Variants in FHIT observed in about 807,000 individuals in gnomAD.
FHIT encodes fragile histidine triad diadenosine triphosphatase, also known as bis(5'-adenosyl)-triphosphatase.
Under a neutral mutation model 17.9 loss-of-function variants are expected in FHIT, and 19 were observed. That is an observed-to-expected ratio of 1.06 (90% confidence interval 0.74 to 1.56). FHIT has a LOEUF of 1.56. FHIT is among the 40% of genes most tolerant of loss of function. FHIT has a pLI of 0.00. For synonymous variants in FHIT, 81 were observed against 69.7 expected (o/e 1.16, Z -0.81); for missense variants, 248 against 189.2 (o/e 1.31, Z -1.82).
At chr3:60,880,817 T>A (rs1233347527) in intron 3 of FHIT, among the ~76,000 whole-genome samples, 15 of 151,906 alleles carry the variant, frequency 9.9e-5, no homozygotes. Context: ...GCAAAACTTA[T>A]CACTACAGAA....
chr3:60,973,994 T>A (rs189355335), intron 3 of FHIT, among the ~76,000 whole-genome samples: 2 of 152,176 alleles, frequency 1.3e-5, no homozygotes, highest in Non-Finnish European at 2.9e-5. Context: ...GTGATGAAAA[T>A]CATTTAATAA....
intron 8 of FHIT, among the ~76,000 whole-genome samples, chr3:59,881,655 C>T (rs943119256): frequency 6.6e-6 from 1 of 152,180 alleles, no homozygotes; most frequent in African/African-American, 2.4e-5. Flanking sequence ...AAATCACCCT[C>T]ACTTCCTTTG....
At chr3:60,994,287 G>C (rs1194945992) in intron 3 of FHIT, among the ~76,000 whole-genome samples, 1 of 152,268 alleles carries the variant, frequency 6.6e-6, no homozygotes, top group African/African-American at 2.4e-5. Context: ...GTGGAAATGG[G>C]TAATTACAAG....
intron 2 of FHIT, among the ~76,000 whole-genome samples, chr3:61,077,432 C>T (rs573793763): frequency 1.3e-5 from 2 of 152,056 alleles, no homozygotes; most frequent in Admixed American, 6.6e-5. Context: ...TTTGGCACCA[C>T]TTTGCACAAA....
chr3:60,490,870 G>A (rs1306939286), intron 5 of FHIT, among the ~76,000 whole-genome samples: 1 of 152,144 alleles, frequency 6.6e-6, no homozygotes, highest in Non-Finnish European at 1.5e-5. Context: ...GTATAAAGAT[G>A]TTAAGTAACT....
intron 3 of FHIT, among the ~76,000 whole-genome samples, chr3:60,917,739 C>T (rs1707080404): frequency 6.6e-6 from 1 of 152,214 alleles, no homozygotes; most frequent in African/African-American, 2.4e-5. Flanking sequence ...ACCCAAAACT[C>T]TTTATCAAAT....
intron 2 of FHIT, among the ~76,000 whole-genome samples, chr3:61,121,933 A>C (rs2036469134): frequency 2.0e-5 from 3 of 152,208 alleles, no homozygotes; most frequent in Non-Finnish European, 2.9e-5. Flanking sequence ...TTGCAATCCT[A>C]GTCTCTGATA....
chr3:61,078,805 G>C (rs2035045011), intron 2 of FHIT, among the ~76,000 whole-genome samples: 2 of 152,198 alleles, frequency 1.3e-5, no homozygotes, highest in Admixed American at 1.3e-4. Context: ...CTCACATTCA[G>C]ATACTTTATT....
chr3:60,772,796 C>T (rs1377842439), intron 4 of FHIT, among the ~76,000 whole-genome samples: 3 of 152,146 alleles, frequency 2.0e-5, no homozygotes, highest in Non-Finnish European at 4.4e-5. Flanking sequence ...TTTTGAGATA[C>T]TGTTTCAGGT....
intron 3 of FHIT, among the ~76,000 whole-genome samples, chr3:60,951,920 C>A (rs183074642): frequency 3.5e-4 from 53 of 152,262 alleles, no homozygotes; most frequent in African/African-American, 1.3e-3. Context: ...AGTCCCAGCA[C>A]TTTGGGAGGC....
intron 4 of FHIT, among the ~76,000 whole-genome samples, chr3:60,689,815 A>G (rs1044842601): frequency 2.3e-4 from 35 of 152,318 alleles, no homozygotes; most frequent in African/African-American, 7.9e-4. Context: ...TTAGTGTTAA[A>G]TATTAAGGTA....
chr3:60,042,757 C>T (rs1282926871), intron 5 of FHIT, among the ~76,000 whole-genome samples: 1 of 151,616 alleles, frequency 6.6e-6, no homozygotes, highest in Non-Finnish European at 1.5e-5. Flanking sequence ...CAATTCAACC[C>T]ATAACAGAGA....
intron 5 of FHIT, among the ~76,000 whole-genome samples, chr3:60,449,249 G>C (rs73098257): frequency 1.3e-5 from 2 of 152,032 alleles, no homozygotes; most frequent in African/African-American, 2.4e-5. Flanking sequence ...CCAGTGCCCC[G>C]GTCTGTATGC....
intron 2 of FHIT, among the ~76,000 whole-genome samples, chr3:61,142,374 A>G (rs1051528817): frequency 1.3e-5 from 2 of 151,640 alleles, no homozygotes; most frequent in African/African-American, 4.8e-5. Flanking sequence ...ATCATTTTGT[A>G]CTACAGAAGT....
chr3:60,205,385 G>C (rs1559726223), intron 5 of FHIT, among the ~76,000 whole-genome samples: 1 of 152,136 alleles, frequency 6.6e-6, no homozygotes. Flanking sequence ...AAATACACAA[G>C]TATAATCATA....
chr3:60,103,389 G>A (rs1704274090), intron 5 of FHIT, among the ~76,000 whole-genome samples: 1 of 152,200 alleles, frequency 6.6e-6, no homozygotes, highest in South Asian at 2.1e-4. Flanking sequence ...TCACAAGACA[G>A]TGAAGTTCAA....
intron 5 of FHIT, among the ~76,000 whole-genome samples, chr3:60,190,227 T>C (rs1702341459): frequency 3.3e-5 from 5 of 152,166 alleles, no homozygotes; most frequent in Admixed American, 3.3e-4. Flanking sequence ...CCACATTCAC[T>C]TCTTGCTCTG....
chr3:60,978,531 G>A (rs1710360685), intron 3 of FHIT, among the ~76,000 whole-genome samples: 2 of 152,172 alleles, frequency 1.3e-5, no homozygotes, highest in Non-Finnish European at 2.9e-5. Flanking sequence ...GACATAGTCT[G>A]AAAAGCACTG....
At chr3:60,157,992 G>A (rs141956799) in intron 5 of FHIT, among the ~76,000 whole-genome samples, 1 of 152,174 alleles carries the variant, frequency 6.6e-6, no homozygotes, top group African/African-American at 2.4e-5. Flanking sequence ...AAAGAGACTA[G>A]TTGTTCTTCC....
Sources: allele counts gnomAD v4.1 joint callset (sites outside exome capture counted in the v4.1 genomes callset), GRCh38; gene constraint gnomAD v4.1.1; transcripts MANE v1.5; gene names NCBI Gene and HGNC (gene_info 2026-07-23, HGNC 2026-07-21).